Variants in KCNK2 observed in about 807,000 individuals in gnomAD.
KCNK2 encodes the protein potassium channel subfamily K member 2.
In KCNK2, 21 loss-of-function variants were observed where a neutral mutation model predicts 40.5. The ratio of observed to expected loss-of-function variants is 0.52; its 90% CI spans 0.37 to 0.75. KCNK2 has a LOEUF of 0.75. KCNK2 is among the 30% of genes least tolerant of loss of function. The pLI is 0.00. For synonymous variants in KCNK2, 191 were observed against 202.2 expected (o/e 0.94, Z 0.47); for missense variants, 399 against 531.6 (o/e 0.75, Z 2.45).
At chr1:215,099,015 A>C (rs1660097671) in intron 2 of KCNK2, among the ~76,000 whole-genome samples, 1 of 151,934 alleles carries the variant, frequency 6.6e-6, no homozygotes, top group Admixed American at 6.6e-5. Flanking sequence ...GCATGTATTT[A>C]TCTAACTTTT....
intron 6 of KCNK2, among the ~76,000 whole-genome samples, chr1:215,209,842 T>A (rs368775973): frequency 6.8e-5 from 2 of 29,300 alleles, no homozygotes; most frequent in Non-Finnish European, 1.5e-4. Flanking sequence ...AAATATATAT[T>A]ATATAACATA....
At chr1:215,233,475 C>CACGT (rs397704941) in intron 6 of KCNK2, among the ~76,000 whole-genome samples, 1 of 142,040 alleles carries the variant, frequency 7.0e-6, no homozygotes, top group South Asian at 2.1e-4. Context: ...CACACACACA[C>CACGT]GTACACACAC....
At chr1:215,215,811 C>T (rs772580407) in intron 6 of KCNK2, among the ~76,000 whole-genome samples, 5 of 152,168 alleles carry the variant, frequency 3.3e-5, no homozygotes, top group South Asian at 2.1e-4. Flanking sequence ...GACAGGCCCA[C>T]GGCACTTCTG....
chr1:215,107,635 G>A (rs984249320), intron 2 of KCNK2, among the ~76,000 whole-genome samples: 1 of 151,950 alleles, frequency 6.6e-6, no homozygotes, highest in Non-Finnish European at 1.5e-5. Flanking sequence ...TCATTTGCAT[G>A]TCTTCTTTGG....
intron 5 of KCNK2, among the ~76,000 whole-genome samples, chr1:215,172,941 C>T (rs1467601701): frequency 1.3e-5 from 2 of 152,038 alleles, no homozygotes; most frequent in Non-Finnish European, 2.9e-5. Flanking sequence ...AGCCACTACG[C>T]CCGGCCTAAG....
chr1:215,201,175 G>A (rs1200264425), intron 6 of KCNK2, among the ~76,000 whole-genome samples: 1 of 152,112 alleles, frequency 6.6e-6, no homozygotes. Flanking sequence ...TTTGTGGTTG[G>A]GTCTGTTGGA....
At chr1:215,041,304 T>C (rs1459478234) in intron 1 of KCNK2, among the ~76,000 whole-genome samples, 1 of 152,202 alleles carries the variant, frequency 6.6e-6, no homozygotes, top group East Asian at 1.9e-4. Flanking sequence ...CCAGAAGTTG[T>C]AATAAAAATT....
chr1:215,146,687 G>A (rs1042119900), intron 3 of KCNK2, among the ~76,000 whole-genome samples: 2 of 152,154 alleles, frequency 1.3e-5, no homozygotes, highest in South Asian at 2.1e-4. Context: ...TGAGAAAAAC[G>A]CTAAGTTTGA....
At chr1:215,041,177 T>A (rs1188258634) in intron 1 of KCNK2, among the ~76,000 whole-genome samples, 1 of 152,192 alleles carries the variant, frequency 6.6e-6, no homozygotes, top group Non-Finnish European at 1.5e-5. Flanking sequence ...TTTGTTTTCT[T>A]TTTGGAGATT....
intron 3 of KCNK2, among the ~76,000 whole-genome samples, chr1:215,126,239 C>T (rs1040166474): frequency 6.6e-6 from 1 of 152,026 alleles, no homozygotes; most frequent in African/African-American, 2.4e-5. Flanking sequence ...TGCCTCTTTG[C>T]GCTGGATCAC....
chr1:215,208,091 A>G (rs111738392), intron 6 of KCNK2, among the ~76,000 whole-genome samples: 3,763 of 152,262 alleles, frequency 0.025, 151 homozygotes, highest in African/African-American at 0.085. Context: ...CTGCAACACT[A>G]TTCACAATAG....
At chr1:215,036,313 A>G (rs993782559) in intron 1 of KCNK2, among the ~76,000 whole-genome samples, 3 of 151,798 alleles carry the variant, frequency 2.0e-5, no homozygotes, top group Non-Finnish European at 2.9e-5. Flanking sequence ...CCTCCACTGA[A>G]ATTCTCTGAT....
At chr1:215,130,053 C>T (rs1397545880) in intron 3 of KCNK2, among the ~76,000 whole-genome samples, 2 of 152,138 alleles carry the variant, frequency 1.3e-5, no homozygotes, top group African/African-American at 4.8e-5. Flanking sequence ...TACTGGTGGG[C>T]TGCTAGATAG....
At chr1:215,215,796 G>T (rs191969094) in intron 6 of KCNK2, among the ~76,000 whole-genome samples, 2 of 152,118 alleles carry the variant, frequency 1.3e-5, no homozygotes, top group Non-Finnish European at 2.9e-5. Flanking sequence ...GGACACAGCT[G>T]GGGAGACAGG....
chr1:215,091,791 G>A (rs1659703776), intron 2 of KCNK2, among the ~76,000 whole-genome samples: 2 of 152,134 alleles, frequency 1.3e-5, no homozygotes, highest in South Asian at 4.1e-4. Flanking sequence ...AAAGAGTGAG[G>A]GAAATAGCCA....
At chr1:215,045,800 T>A (rs1430413120) in intron 1 of KCNK2, among the ~76,000 whole-genome samples, 1 of 152,222 alleles carries the variant, frequency 6.6e-6, no homozygotes, top group Non-Finnish European at 1.5e-5. Flanking sequence ...TCTGTTGTCC[T>A]TGGATTTGCC....
At chr1:215,207,483 G>T (rs764576295) in intron 6 of KCNK2, among the ~76,000 whole-genome samples, 2 of 152,192 alleles carry the variant, frequency 1.3e-5, no homozygotes, top group Non-Finnish European at 2.9e-5. Flanking sequence ...TGTTTTAAAT[G>T]ATTAACTGTG....
At chr1:215,161,592 G>A (rs184166603) in intron 3 of KCNK2, among the ~76,000 whole-genome samples, 2 of 107,888 alleles carry the variant, frequency 1.9e-5, no homozygotes, top group Non-Finnish European at 3.7e-5. Flanking sequence ...CCCAGCCCCC[G>A]ACAGGCCCCA....
chr1:215,087,751 G>A (rs142894967), intron 2 of KCNK2, among the ~76,000 whole-genome samples: 1 of 152,278 alleles, frequency 6.6e-6, no homozygotes, highest in Non-Finnish European at 1.5e-5. Context: ...AGTGGACTGA[G>A]GGGAAAAATT....
Sources: allele counts gnomAD v4.1 joint callset (sites outside exome capture counted in the v4.1 genomes callset), GRCh38; gene constraint gnomAD v4.1.1; transcripts MANE v1.5; gene names NCBI Gene and HGNC (gene_info 2026-07-23, HGNC 2026-07-21).